SPG21: variants seen among roughly 807,000 people sequenced by gnomAD.
SPG21 encodes the protein maspardin.
In SPG21, 26 loss-of-function variants were observed where a neutral mutation model predicts 38.9. The ratio of observed to expected loss-of-function variants is 0.67; its 90% confidence interval spans 0.49 to 0.93. The LOEUF (loss-of-function observed/expected upper bound fraction) is 0.93, where lower values mean the gene tolerates loss of function less well. SPG21 is among the 40% of genes least tolerant of loss of function. SPG21 has a pLI of 0.00. For missense variants in SPG21, 333 were observed against 376.5 expected (o/e 0.88, Z 0.96); for synonymous variants, 136 against 128.9 (o/e 1.05, Z -0.37).
At chr15:64,987,169 T>C (rs1219018390) in intron 1 of SPG21, 2 of 152,222 alleles carry the variant, frequency 1.3e-5, no homozygotes, top group African/African-American at 4.8e-5. Flanking sequence ...AGATGTTCCT[T>C]ACCAACAGTC....
intron 1 of SPG21, chr15:64,988,969 G>A (rs935792524): frequency 7.3e-6 from 1 of 137,560 alleles, no homozygotes. Context: ...GCGACGGAGC[G>A]AGACTCCGTC....
chr15:64,964,984 G>C (rs1231635657), intron 8 of SPG21, among the ~76,000 whole-genome samples: 1 of 152,124 alleles, frequency 6.6e-6, no homozygotes, highest in Non-Finnish European at 1.5e-5. Flanking sequence ...ACAGGACTCA[G>C]ATTGACCCCA....
At chr15:64,980,551 AC>A (rs1271936273) in intron 3 of SPG21, among the ~76,000 whole-genome samples, 6 of 152,024 alleles carry the variant, frequency 3.9e-5, no homozygotes, top group African/African-American at 1.4e-4. Context: ...AGCCTGGCCA[AC>A]ACGGCGAAAC....
At chr15:64,986,883 G>A (rs1378503899) in intron 1 of SPG21, among the ~76,000 whole-genome samples, 1 of 152,122 alleles carries the variant, frequency 6.6e-6, no homozygotes, top group Non-Finnish European at 1.5e-5. Flanking sequence ...CTTCTTAATG[G>A]AGACATTTCC....
intron 4 of SPG21, among the ~76,000 whole-genome samples, chr15:64,976,159 T>C (rs2140430760): frequency 6.6e-6 from 1 of 152,266 alleles, no homozygotes; most frequent in East Asian, 1.9e-4. Context: ...GCACGGTGGC[T>C]CACGCCTGTA....
intron 5 of SPG21, 139 bp downstream of exon 5, chr15:64,974,463 A>T (rs1023696503): frequency 1.4e-5 from 14 of 982,092 alleles, no homozygotes; most frequent in Non-Finnish European, 2.0e-5. Flanking sequence ...TGACAGAGCA[A>T]GACTCTGTCT....
chr15:64,968,097 T>C (rs1053757369), intron 7 of SPG21, among the ~76,000 whole-genome samples: 1 of 152,108 alleles, frequency 6.6e-6, no homozygotes, highest in Non-Finnish European at 1.5e-5. Flanking sequence ...ATGCCTGTCA[T>C]AGCACTTTGG....
intron 3 of SPG21, among the ~76,000 whole-genome samples, chr15:64,979,898 A>G (rs968212093): frequency 1.3e-5 from 2 of 151,300 alleles, no homozygotes; most frequent in African/African-American, 4.9e-5. Context: ...CCTTTCCCAC[A>G]CACCTTTCTC....
intron 5 of SPG21, among the ~76,000 whole-genome samples, chr15:64,970,579 T>C (rs2041343465): frequency 6.6e-6 from 1 of 152,206 alleles, no homozygotes; most frequent in Non-Finnish European, 1.5e-5. Context: ...GAAGTATTCT[T>C]TCCTTCTGGT....
chr15:64,981,037 G>GTTAA lies in SPG21; in HGVS notation c.64-16_64-13dup. 4 of 1,613,612 alleles carry GTTAA rather than the reference G, an allele frequency of 2.5e-6. No homozygotes were observed. Among genetic ancestry groups the GTTAA allele is most frequent in the Non-Finnish European group, 3.4e-6 (4 of 1,179,908 alleles). ...TCATCCACAATAATCTGGAGGGAAG[G>GTTAA]TTAAAAGAAAAAAGTGGAAAACCTT... On this transcript the variant is annotated splice_polypyrimidine_tract_variant and intron_variant, in intron 2 of 8. Coordinates refer to ENST00000204566, the MANE Select transcript of SPG21 (RefSeq NM_016630.7).
intron 7 of SPG21, among the ~76,000 whole-genome samples, chr15:64,969,023 T>C (rs1324225197): frequency 1.3e-5 from 2 of 152,176 alleles, no homozygotes; most frequent in Non-Finnish European, 2.9e-5. Context: ...ATTACAGGCA[T>C]AAGCCACTGT....
chr15:64,985,846 C>T (rs572447789), intron 1 of SPG21, among the ~76,000 whole-genome samples: 11 of 152,314 alleles, frequency 7.2e-5, no homozygotes, highest in Admixed American at 2.6e-4. Flanking sequence ...CCCGAGGAGA[C>T]AGCAGATGTA....
At chr15:64,978,907 C>T (rs562070388) in intron 3 of SPG21, among the ~76,000 whole-genome samples, 42 of 152,152 alleles carry the variant, frequency 2.8e-4, no homozygotes, top group Non-Finnish European at 5.0e-4. Context: ...TGCAAAGGTT[C>T]GGCAGAAACT....
At chr15:64,985,224 G>A (rs1286407376) in intron 1 of SPG21, among the ~76,000 whole-genome samples, 1 of 152,184 alleles carries the variant, frequency 6.6e-6, no homozygotes, top group Non-Finnish European at 1.5e-5. Flanking sequence ...TGTGAGCTTA[G>A]TGACTTCTGG....
rs760029589 is a variant in SPG21 at position 64,974,623 on chromosome 15, T to C, written c.431A>G (p.Asn144Ser). 38 of 1,614,006 alleles carry C rather than the reference T, an allele frequency of 2.4e-5. No homozygotes were observed. Among genetic ancestry groups the C allele is most frequent in the Non-Finnish European group, 3.1e-5 (36 of 1,180,042 alleles). The change falls in exon 5 of 9, where the codon AAC becomes AGC. Residue 144 changes from asparagine (N) to serine (S), a missense_variant. Asn to Ser is a conservative substitution (Grantham distance 46). Coordinates refer to ENST00000204566, the MANE Select transcript of SPG21 (RefSeq NM_016630.7). ...TTACCTGTTTGCAGTCCAAGTTTGG[T>C]TGAAGATAGAGGTGTCACTGAAGGA... is the stretch of plus-strand genomic sequence containing the variant. ...CNSFSDTSIF[N>S]QTWTANSFWL...
intron 3 of SPG21, among the ~76,000 whole-genome samples, chr15:64,977,348 A>G (rs1240611729): frequency 6.7e-6 from 1 of 149,204 alleles, no homozygotes; most frequent in Non-Finnish European, 1.5e-5. Context: ...TTTAGGCGTG[A>G]GTCACTCCAC....
At chr15:64,971,126 T>A (rs1055821501) in intron 5 of SPG21, among the ~76,000 whole-genome samples, 9 of 152,172 alleles carry the variant, frequency 5.9e-5, no homozygotes, top group Admixed American at 2.0e-4. Flanking sequence ...AGTATTGTGA[T>A]CATAGCTCAC....
chr15:64,977,853 C>A (rs1203460288), intron 3 of SPG21, among the ~76,000 whole-genome samples: 1 of 151,748 alleles, frequency 6.6e-6, no homozygotes, highest in African/African-American at 2.4e-5. Context: ...ACTGGGGTCT[C>A]GCTCTGTCGC....
chr15:64,982,127 TTTTTC>T (rs796726078), intron 2 of SPG21, among the ~76,000 whole-genome samples: 15 of 146,310 alleles, frequency 1.0e-4, no homozygotes, highest in African/African-American at 2.7e-4. Context: ...CCACTCACAT[TTTTTC>T]TTTTCTTTTC....
Sources: gnomAD v4.1 joint callset for allele counts (sites outside exome capture counted in the v4.1 genomes callset) on GRCh38, gnomAD v4.1.1 for gene constraint, MANE v1.5 for transcripts, NCBI Gene and HGNC (gene_info 2026-07-23, HGNC 2026-07-21) for gene names.